CYP2J2: variants seen among roughly 807,000 people sequenced by gnomAD.
CYP2J2 encodes cytochrome P450 2J2.
CYP2J2 carries 41 observed loss-of-function variants against 48.8 expected under a neutral mutation model. That is an observed-to-expected ratio of 0.84 (90% CI 0.66 to 1.09). The LOEUF is 1.09. CYP2J2 is among the 50% of genes least tolerant of loss of function. The pLI is 0.00. For synonymous variants in CYP2J2, 221 were observed against 227.1 expected (o/e 0.97, Z 0.24); for missense variants, 644 against 617.3 (o/e 1.04, Z -0.46).
chr1:59,946,276 T>C, the CYP2J2 span, among the ~76,000 whole-genome samples: 1 of 152,184 alleles, frequency 6.6e-6, no homozygotes. Flanking sequence ...ACTCAGAGCC[T>C]CTGCTCCGTT....
upstream of CYP2J2, among the ~76,000 whole-genome samples, chr1:59,929,979 G>A (rs1255120424): frequency 6.6e-6 from 1 of 152,028 alleles, no homozygotes; most frequent in East Asian, 1.9e-4. Flanking sequence ...TAAAAATACT[G>A]AAAGACAAAG....
At chr1:59,957,438 T>C in the CYP2J2 span, among the ~76,000 whole-genome samples, 23 of 152,214 alleles carry the variant, frequency 1.5e-4, no homozygotes, top group Non-Finnish European at 2.9e-4. Context: ...CAGCAAAGAA[T>C]AGGACATATG....
the CYP2J2 span, among the ~76,000 whole-genome samples, chr1:59,955,918 G>A: frequency 1.3e-5 from 2 of 152,114 alleles, no homozygotes; most frequent in Non-Finnish European, 2.9e-5. Context: ...GTGTGTGTGT[G>A]TGCATGTGTG....
chr1:59,901,166 G>A lies in CYP2J2; in HGVS notation c.1192-63C>T, dbSNP rs956173520. 1.0e-5 allele frequency: 16 copies of A among 1,564,518 alleles called. No homozygotes were observed. The African/African-American group carries it at 2.2e-4, about 21-fold the overall frequency. On this transcript the variant is annotated intron_variant, in intron 7 of 8. Coordinates refer to ENST00000371204, the MANE Select transcript of CYP2J2 (RefSeq NM_000775.4). ...CATGAAAAAGCACACCTATGCAGAGGGGTGGTCATCCTCCGGCTTCCTTGC... is the reference window on the plus strand; with the variant it reads ...CATGAAAAAGCACACCTATGCAGAGAGGTGGTCATCCTCCGGCTTCCTTGC...
In CYP2J2 at chr1:59,926,669, G is replaced by A. The variant is rs745617467; in HGVS notation, c.78C>T (p.Val26=). 6.2e-7 allele frequency: 1 copy of A among 1,614,210 alleles called. No individual in the cohort carries two copies. Among genetic ancestry groups the A allele is most frequent in the East Asian group, 2.2e-5 (1 of 44,880 alleles). Residue 26 remains valine (V), a synonymous_variant, in exon 1 of 9, where the codon GTC becomes GTT. Coordinates refer to ENST00000371204, the MANE Select transcript of CYP2J2 (RefSeq NM_000775.4). The part of the protein sequence containing the change: ...VHPRTLLLGT[V]AFLLAADFLK... ...GAAAGTCAGCAGCGAGCAGAAAGGC[G>A]ACAGTGCCCAGTAGGAGAGTCCGAG... is the stretch of plus-strand genomic sequence containing the variant.
At chr1:59,926,441 C>T in intron 1 of CYP2J2, 96 bp downstream of exon 1, 2 of 1,058,938 alleles carry the variant, frequency 1.9e-6, no homozygotes, top group Admixed American at 1.8e-5. Context: ...TCTTCCTGCC[C>T]TTCATCCCCC....
intron 8 of CYP2J2, among the ~76,000 whole-genome samples, chr1:59,896,395 T>G (rs1336150178): frequency 1.3e-5 from 2 of 152,160 alleles, no homozygotes; most frequent in South Asian, 2.1e-4. Flanking sequence ...ATTTATTGAT[T>G]CACCTATTGA....
In CYP2J2 at chr1:59,904,990, A is replaced by T. The variant is rs1224632972; in HGVS notation, c.1072T>A (p.Ser358Thr). 10 of 1,613,646 alleles carry T rather than the reference A, an allele frequency of 6.2e-6. No homozygotes were observed. The highest frequency in any genetic ancestry group is 8.5e-6 in the Non-Finnish European group (10 of 1,179,922). The change falls in exon 7 of 9, where the codon TCC becomes ACC. Residue 358 changes from serine to threonine, a missense_variant. By Grantham distance (58) the Ser-to-Thr change is moderately conservative. Transcript: ENST00000371204. ...GQQPSTAARE[S>T]MPYTNAVIHE... ...ATGACAGCATTGGTGTAGGGCATGGACTCCCGGGCGGCTGTGCTCGGCTGC... is the reference window on the plus strand; with the variant it reads ...ATGACAGCATTGGTGTAGGGCATGGTCTCCCGGGCGGCTGTGCTCGGCTGC...
At chr1:59,944,222 ATATT>A in the CYP2J2 span, among the ~76,000 whole-genome samples, 1 of 152,142 alleles carries the variant, frequency 6.6e-6, no homozygotes, top group African/African-American at 2.4e-5. Context: ...GTTTGTAGTC[ATATT>A]TATTTATTTA....
At chr1:59,955,267 T>TCC in the CYP2J2 span, among the ~76,000 whole-genome samples, 4 of 28,970 alleles carry the variant, frequency 1.4e-4, no homozygotes, top group African/African-American at 2.6e-4. Context: ...TATATATCCA[T>TCC]ATATATATAT....
chr1:59,902,155 T>C (rs368769091), intron 7 of CYP2J2, among the ~76,000 whole-genome samples: 1 of 152,286 alleles, frequency 6.6e-6, no homozygotes, highest in East Asian at 1.9e-4. Context: ...AAGCTAACTC[T>C]TGAAGCTAAT....
the CYP2J2 span, among the ~76,000 whole-genome samples, chr1:59,958,163 CT>C: frequency 6.6e-6 from 1 of 152,270 alleles, no homozygotes; most frequent in East Asian, 1.9e-4. Context: ...CACATTCATT[CT>C]GCTTTACTAC....
At chr1:59,916,373 A>G (rs968563070) in intron 1 of CYP2J2, among the ~76,000 whole-genome samples, 2 of 152,182 alleles carry the variant, frequency 1.3e-5, no homozygotes, top group Admixed American at 6.5e-5. Context: ...TATTCAACCA[A>G]CATGAACTGA....
the CYP2J2 span, among the ~76,000 whole-genome samples, chr1:59,944,950 T>C: frequency 6.6e-6 from 1 of 152,174 alleles, no homozygotes; most frequent in Non-Finnish European, 1.5e-5. Context: ...CATAATACAC[T>C]AAGATAACTA....
rs998198116 is a variant in CYP2J2, at chr1:59,893,527, A to G, written c.*124T>C. 1.1e-5 allele frequency: 8 copies of G among 704,080 alleles called. No individual in the cohort carries two copies. Among genetic ancestry groups the G allele is most frequent in the African/African-American group, 5.4e-5 (3 of 55,394 alleles). 43.6% of individuals were successfully genotyped at this position (704,080 alleles called of 1,614,324 possible). ...TTTGGATCTAGTTTTCTCTGAGTCA[A>G]ATTCCTCTGATCTTTCTTGAAAGTC... On this transcript the variant is annotated 3_prime_UTR_variant, in exon 9 of 9. Transcript: ENST00000371204.
chr1:59,911,872 A>G (rs1644419158), intron 3 of CYP2J2, 104 bp from the exon 4 acceptor site: 7 of 1,155,614 alleles, frequency 6.1e-6, no homozygotes, highest in Non-Finnish European at 8.7e-6. Context: ...GTGCAGAACC[A>G]TATATGAGGA....
At chr1:59,922,022 T>C (rs1018619534) in intron 1 of CYP2J2, among the ~76,000 whole-genome samples, 1 of 152,168 alleles carries the variant, frequency 6.6e-6, no homozygotes, top group Admixed American at 6.5e-5. Flanking sequence ...TAATAAATGC[T>C]GGTATATCCA....
intron 7 of CYP2J2, among the ~76,000 whole-genome samples, chr1:59,902,774 T>G (rs1312250599): frequency 1.3e-5 from 2 of 152,196 alleles, no homozygotes. Flanking sequence ...CCTACATGCA[T>G]GATCTCATTT....
the CYP2J2 span, among the ~76,000 whole-genome samples, chr1:59,950,790 T>C: frequency 6.6e-6 from 1 of 152,174 alleles, no homozygotes; most frequent in Admixed American, 6.5e-5. Context: ...ATCTGAGGCA[T>C]TGATGCTGGC....
Sources: gnomAD v4.1 joint callset for allele counts (sites outside exome capture counted in the v4.1 genomes callset) on GRCh38, gnomAD v4.1.1 for gene constraint, MANE v1.5 for transcripts, NCBI Gene and HGNC (gene_info 2026-07-23, HGNC 2026-07-21) for gene names.